CHN2: variants seen among roughly 807,000 people sequenced by gnomAD.
CHN2 encodes chimerin 2.
A neutral mutation model predicts 56.3 loss-of-function variants in CHN2; 35 were observed. The observed-to-expected ratio is 0.62, with a 90% CI of 0.47 to 0.82. CHN2 has a LOEUF of 0.82. Ranked by LOEUF, CHN2 falls within the 40% of genes least tolerant of loss-of-function variation. The pLI, the probability that CHN2 is intolerant of heterozygous loss-of-function variation, is 0.00. For missense variants in CHN2, 491 were observed against 580.5 expected, an observed-to-expected ratio of 0.85 and a Z score of 1.58; for synonymous variants, 210 against 212.8, an observed-to-expected ratio of 0.99 and a Z score of 0.12.
At chr7:29,286,552 C>T (rs1792168589) in intron 1 of CHN2, among the ~76,000 whole-genome samples, 2 of 152,120 alleles carry the variant, frequency 1.3e-5, no homozygotes. Context: ...TTCTTCCTCT[C>T]ATTTCACCAT....
intron 6 of CHN2, among the ~76,000 whole-genome samples, chr7:29,432,753 C>T (rs370990660): frequency 3.9e-5 from 6 of 152,300 alleles, no homozygotes; most frequent in Middle Eastern, 3.4e-3. Flanking sequence ...AGCTATGCGT[C>T]ACGGGTAATC....
intron 2 of CHN2, among the ~76,000 whole-genome samples, chr7:29,158,229 T>C (rs995188551): frequency 6.6e-6 from 1 of 152,202 alleles, no homozygotes; most frequent in South Asian, 2.1e-4. Flanking sequence ...AAGGACTATC[T>C]TCCTTCAGTG....
At chr7:29,305,788 C>T (rs1794095044) in intron 1 of CHN2, among the ~76,000 whole-genome samples, 1 of 91,552 alleles carries the variant, frequency 1.1e-5, no homozygotes, top group Non-Finnish European at 2.6e-5. Context: ...TTCTCCTCCC[C>T]TCCATCCTCC....
intron 1 of CHN2, among the ~76,000 whole-genome samples, chr7:29,217,192 C>T (rs1242265859): frequency 6.6e-6 from 1 of 152,166 alleles, no homozygotes; most frequent in African/African-American, 2.4e-5. Context: ...CTGGTTTGTG[C>T]ATATAATTAT....
At position 29,483,767 on chromosome 7, in the gene CHN2, C is replaced by T. The variant is rs899644900; in HGVS notation, c.654+3411C>T. ...CTCTGAAAATCTTCAGGCCAGCCAA[C>T]CCCAGAGGCCCGGCAGTCGGCTTGC... On this transcript the variant is annotated intron_variant, in intron 7 of 12. Coordinates refer to ENST00000222792, the MANE Select transcript of CHN2 (RefSeq NM_004067.4). The T allele has an allele frequency of 7.1e-6, 8 of 1,128,462 alleles. No individual in the cohort carries two copies. The South Asian group carries it at 9.6e-5, about 14-fold the overall frequency. 69.9% of individuals were successfully genotyped at this position (1,128,462 alleles called of 1,614,324 possible). A position where few individuals can be genotyped will look rare whatever the true frequency, so the allele number is the denominator to read the frequency against.
At chr7:29,260,770 G>C (rs1481530929) in intron 1 of CHN2, among the ~76,000 whole-genome samples, 1 of 152,128 alleles carries the variant, frequency 6.6e-6, no homozygotes, top group African/African-American at 2.4e-5. Flanking sequence ...GCTAATTCTG[G>C]ACACCGGACC....
At chr7:29,504,637 G>GTTCA in intron 9 of CHN2, 107 bp from the exon 10 acceptor site, 2 of 707,084 alleles carry the variant, frequency 2.8e-6, no homozygotes, top group East Asian at 5.1e-5. Context: ...CACTGTCTAT[G>GTTCA]TTTGCTCATT....
chr7:29,291,450 T>C (rs1053262324), intron 1 of CHN2, among the ~76,000 whole-genome samples: 2 of 152,158 alleles, frequency 1.3e-5, no homozygotes, highest in Non-Finnish European at 2.9e-5. Flanking sequence ...AAGGTAATGC[T>C]TCTAATTGCC....
At chr7:29,507,471 C>A in intron 11 of CHN2, 106 bp downstream of exon 11, 1 of 859,552 alleles carries the variant, frequency 1.2e-6, no homozygotes, top group Non-Finnish European at 1.8e-6. Context: ...TGCATTTGTG[C>A]CTGTCTTGTC....
chr7:29,380,830 G>T (rs933230235), intron 3 of CHN2: 1 of 152,178 alleles, frequency 6.6e-6, no homozygotes, highest in African/African-American at 2.4e-5. Flanking sequence ...TTTAAAGAGA[G>T]TTTGGAGGAG....
chr7:29,192,723 G>A (rs1282811002), upstream of CHN2: 2 of 152,114 alleles, frequency 1.3e-5, no homozygotes, highest in Non-Finnish European at 2.9e-5. Flanking sequence ...TTTGTGGCAG[G>A]TGTAGAAACT....
At chr7:29,180,905 G>A (rs1471272162) in intron 2 of CHN2, among the ~76,000 whole-genome samples, 1 of 152,190 alleles carries the variant, frequency 6.6e-6, no homozygotes, top group Non-Finnish European at 1.5e-5. Context: ...ATTGAAAAGA[G>A]TACGTAAGAT....
At chr7:29,487,062 T>C (rs888995765) in intron 7 of CHN2, among the ~76,000 whole-genome samples, 2 of 152,156 alleles carry the variant, frequency 1.3e-5, no homozygotes, top group Non-Finnish European at 2.9e-5. Flanking sequence ...CTGCCTTGCC[T>C]TCTTATCAAG....
intron 2 of CHN2, among the ~76,000 whole-genome samples, chr7:29,178,344 G>C (rs1220523335): frequency 6.6e-6 from 1 of 152,140 alleles, no homozygotes; most frequent in Non-Finnish European, 1.5e-5. Context: ...GTGGCTGCTA[G>C]GATCTGACAT....
At chr7:29,286,417 G>T (rs1792151725) in intron 1 of CHN2, among the ~76,000 whole-genome samples, 1 of 151,600 alleles carries the variant, frequency 6.6e-6, no homozygotes, top group African/African-American at 2.4e-5. Flanking sequence ...TGGGAGGGGT[G>T]CAGGGAAAGG....
intron 9 of CHN2, among the ~76,000 whole-genome samples, chr7:29,501,328 T>A (rs1789946225): frequency 6.6e-6 from 1 of 152,104 alleles, no homozygotes; most frequent in Non-Finnish European, 1.5e-5. Context: ...TGGGATCTGG[T>A]GAACATATTA....
intron 2 of CHN2, among the ~76,000 whole-genome samples, chr7:29,184,901 A>G (rs1237228487): frequency 2.0e-5 from 3 of 152,208 alleles, no homozygotes; most frequent in Non-Finnish European, 4.4e-5. Flanking sequence ...ATGGGAGTTT[A>G]TGTGGATAAG....
intron 6 of CHN2, among the ~76,000 whole-genome samples, chr7:29,472,824 C>T (rs1156405996): frequency 6.6e-6 from 1 of 152,100 alleles, no homozygotes; most frequent in African/African-American, 2.4e-5. Context: ...TAAAATTCCT[C>T]TAGGAACAGA....
intron 1 of CHN2, chr7:29,289,104 C>T (rs1016561529): frequency 3.9e-5 from 6 of 152,222 alleles, no homozygotes; most frequent in Non-Finnish European, 5.9e-5. Flanking sequence ...CCCGCACCAA[C>T]GCATTTGTTT....
Sources: allele counts gnomAD v4.1 joint callset (sites outside exome capture counted in the v4.1 genomes callset), GRCh38; gene constraint gnomAD v4.1.1; transcripts MANE v1.5; gene names NCBI Gene and HGNC (gene_info 2026-07-23, HGNC 2026-07-21).